The following ANKLE1 variants were observed in gnomAD, a reference collection of about 807,000 sequenced individuals.
The protein encoded by ANKLE1 is ankyrin repeat and LEM domain containing 1, also known as structure-specific endonuclease ANKLE1.
In ANKLE1, 59 loss-of-function variants were observed where a neutral mutation model predicts 56.2. The observed-to-expected ratio is 1.05, with a 90% CI of 0.85 to 1.30. ANKLE1 has a LOEUF of 1.30. Among genes scored for constraint, ANKLE1 ranks in the 50% most tolerant of loss-of-function variants. ANKLE1 has a pLI of 0.00. For synonymous variants in ANKLE1, 341 were observed against 352.9 expected, an observed-to-expected ratio of 0.97 and a Z score of 0.38; for missense variants, 771 against 816.1, an observed-to-expected ratio of 0.94 and a Z score of 0.67.
At position 17,285,782 on chromosome 19, in the gene ANKLE1, G is replaced by A; in HGVS notation, c.1638G>A (p.Glu546=). Reference sequence around the variant, plus strand: ...GCTTCCAGCACGTGGTCGCTGTGGAGGCTTATACACGGGAGGCGTGTATTG... The same window carrying A: ...GCTTCCAGCACGTGGTCGCTGTGGAAGCTTATACACGGGAGGCGTGTATTG... The part of the protein sequence containing the change: ...LHCFQHVVAV[E]AYTREACIVE... The change falls in exon 8 of 9, where the codon GAG becomes GAA. Residue 546 remains glutamate, a synonymous_variant. Transcript: ENST00000404085. 1 of 1,613,886 alleles carries A rather than the reference G, an allele frequency of 6.2e-7. No individual in the cohort carries two copies. The highest frequency in any genetic ancestry group is 2.2e-5 in the East Asian group (1 of 44,872).
At position 17,286,666 on chromosome 19, in the gene ANKLE1, G is replaced by GTGTGTT. The variant is rs769320278; in HGVS notation, c.*119_*120insTTGTGT. 1,017 of 842,784 alleles carry GTGTGTT rather than the reference G, an allele frequency of 1.2e-3. 2 individuals carry two copies. Among genetic ancestry groups the GTGTGTT allele is most frequent in the African/African-American group, 2.2e-3 (105 of 47,398 alleles). The allele number at this position is 842,784 out of a possible 1,614,324, so 52.2% of individuals were successfully genotyped here. On this transcript the variant is annotated 3_prime_UTR_variant, in exon 9 of 9. Coordinates refer to ENST00000404085, the MANE Select transcript of ANKLE1 (RefSeq NM_152363.6). ...AGAAGGGGTGTGTGTGTGTGTGTGT[G>GTGTGTT]TGTGTGTGTGTGTGTGTGTGTGTGT... is the stretch of plus-strand genomic sequence containing the variant.
Position 17,286,549 on chromosome 19 carries a change from C to T in ANKLE1, c.1845C>T (p.Gly615=), listed in dbSNP as rs1174717462. 6.2e-7 allele frequency: 1 copy of T among 1,603,404 alleles called. No individual in the cohort carries two copies. Residue 615 remains glycine, a synonymous_variant, in exon 9 of 9, where the codon GGC becomes GGT. Coordinates refer to ENST00000404085, the MANE Select transcript of ANKLE1 (RefSeq NM_152363.6). The part of the protein sequence containing the change: ...QLHPQDIQAR[G] The stretch of plus-strand genomic sequence containing the variant: ...ATCCCCAGGACATCCAGGCCCGGGG[C>T]TGAGTGCTGGGGAGTTGGCCATCCA...
intron 2 of ANKLE1, 146 bp from the exon 3 acceptor site, chr19:17,282,510 G>A: frequency 1.1e-6 from 1 of 935,570 alleles, no homozygotes; most frequent in Non-Finnish European, 1.6e-6. Flanking sequence ...TGAGGTCATA[G>A]CATCTAGGTT....
At chr19:17,285,918 A>G (rs766677017) in intron 8 of ANKLE1, 99 bp downstream of exon 8, 48 of 1,496,252 alleles carry the variant, frequency 3.2e-5, no homozygotes, top group Non-Finnish European at 4.1e-5. Flanking sequence ...TTGTTGACTG[A>G]GCAATTATTG....
rs2074021407 is a variant in ANKLE1 at position 17,285,522 on chromosome 19, G to C, written c.1468G>C (p.Gly490Arg). 6.2e-7 allele frequency: 1 copy of C among 1,613,822 alleles called. No homozygotes were observed. The highest frequency in any genetic ancestry group is 2.2e-5 in the East Asian group (1 of 44,858). Residue 490 changes from glycine (G) to arginine (R), a missense_variant, in exon 7 of 9, where the codon GGG becomes CGG. Transcript: ENST00000404085. The stretch of plus-strand genomic sequence containing the variant: ...CCGTGCCATCTTCTACGTGGGCAAA[G>C]GGACGAGGGCCCGGCCATATGTCCA... ...FIRAIFYVGKGTRARPYVHLW... is the reference protein window; with the variant it reads ...FIRAIFYVGKRTRARPYVHLW...
chr19:17,282,590 A>C, intron 2 of ANKLE1, 66 bp from the exon 3 acceptor site: 2 of 1,439,562 alleles, frequency 1.4e-6, no homozygotes, highest in Non-Finnish European at 1.9e-6. Flanking sequence ...AGGTCCCCAG[A>C]GCGGAGATCG....
chr19:17,282,291 G>T (rs1020107616), intron 2 of ANKLE1, 82 bp downstream of exon 2: 9 of 1,281,596 alleles, frequency 7.0e-6, no homozygotes, highest in Non-Finnish European at 8.7e-6. Flanking sequence ...ATCATCCCGG[G>T]CCAGGCCTCG....
rs1181617089 is a variant in ANKLE1 at position 17,282,873 on chromosome 19, C to T, written c.331C>T (p.Arg111Trp). Residue 111 changes from arginine (R) to tryptophan (W), a missense_variant, in exon 4 of 9, where the codon CGG becomes TGG. Coordinates refer to ENST00000404085, the MANE Select transcript of ANKLE1 (RefSeq NM_152363.6). ...GACCGCGCCCCTGTAGGACGGACTC[C>T]GGCCGCTGGACCTGGCCCTGCAGCA... Reference protein sequence around the residue: ...DPALRDQDGLRPLDLALQQGH... With the variant: ...DPALRDQDGLWPLDLALQQGH... 7 of 1,584,302 alleles carry T rather than the reference C, an allele frequency of 4.4e-6. No individual in the cohort carries two copies. In the East Asian group the frequency reaches 1.1e-4, roughly 26 times the overall value.
At position 17,282,046 on chromosome 19, in the gene ANKLE1, G is replaced by C. The variant is rs767864789; in HGVS notation, c.63-11G>C. The C allele has an allele frequency of 1.3e-6, 2 of 1,537,910 alleles. No individual in the cohort carries two copies. The highest frequency in any genetic ancestry group is 1.2e-5 in the South Asian group (1 of 84,040). On this transcript the variant is annotated splice_polypyrimidine_tract_variant and intron_variant, in intron 1 of 8. Coordinates refer to ENST00000404085, the MANE Select transcript of ANKLE1 (RefSeq NM_152363.6). ...TTTGGCCGGGGTCCACTCTGACCGCGGTGTTTGCAGGGCAGTAGAGGAGCT... is the reference window on the plus strand; with the variant it reads ...TTTGGCCGGGGTCCACTCTGACCGCCGTGTTTGCAGGGCAGTAGAGGAGCT...
rs759535689 is a variant in ANKLE1, at chr19:17,286,358, A to T, written c.1676-22A>T. ...AGGTGTCCCCATGGCTGCCCCTGTG[A>T]CCCCACATCCAATTTCTCCAGGGAT... On this transcript the variant is annotated intron_variant, in intron 8 of 8. Coordinates refer to ENST00000404085, the MANE Select transcript of ANKLE1 (RefSeq NM_152363.6). 2.0e-6 allele frequency: 3 copies of T among 1,533,656 alleles called. No homozygotes were observed. The South Asian group carries it at 3.8e-5, about 20-fold the overall frequency.
chr19:17,282,591 G>A (rs2073984221), intron 2 of ANKLE1, 65 bp from the exon 3 acceptor site: 1 of 1,438,812 alleles, frequency 7.0e-7, no homozygotes, highest in African/African-American at 1.4e-5. Flanking sequence ...GGTCCCCAGA[G>A]CGGAGATCGG....
Position 17,285,510 on chromosome 19 carries a change from T to C in ANKLE1, c.1456T>C (p.Tyr486His). The change falls in exon 7 of 9, where the codon TAC becomes CAC. Residue 486 changes from tyrosine (Y) to histidine (H), a missense_variant. By Grantham distance (83) the Tyr-to-His change is moderately conservative. Coordinates refer to ENST00000404085, the MANE Select transcript of ANKLE1 (RefSeq NM_152363.6). ...TCAGACTTTCATCCGTGCCATCTTC[T>C]ACGTGGGCAAAGGGACGAGGGCCCG... Reference protein sequence around the residue: ...RLQTFIRAIFYVGKGTRARPY... With the variant: ...RLQTFIRAIFHVGKGTRARPY... 6.2e-7 allele frequency: 1 copy of C among 1,613,920 alleles called. No individual in the cohort carries two copies. Among genetic ancestry groups the C allele is most frequent in the Non-Finnish European group, 8.5e-7 (1 of 1,179,888 alleles).
At position 17,283,548 on chromosome 19, in the gene ANKLE1, C is replaced by G. The variant is rs960912577; in HGVS notation, c.784C>G (p.Pro262Ala). ...TGTTGTCCATGCCAACCAGAGGGTA[C>G]CTAGGTCTCAGGGCACGGAGGCAGA... Reference protein sequence around the residue: ...LHVVHANQRVPRSQGTEAELN... With the variant: ...LHVVHANQRVARSQGTEAELN... The change falls in exon 5 of 9, where the codon CCT becomes GCT. Residue 262 changes from proline (P) to alanine (A), a missense_variant. By Grantham distance (27) the Pro-to-Ala change is conservative. Coordinates refer to ENST00000404085, the MANE Select transcript of ANKLE1 (RefSeq NM_152363.6). 1 of 1,612,858 alleles carries G rather than the reference C, an allele frequency of 6.2e-7. No individual in the cohort carries two copies. The highest frequency in any genetic ancestry group is 1.3e-5 in the African/African-American group (1 of 74,918).
intron 4 of ANKLE1, 86 bp downstream of exon 4, chr19:17,283,088 C>T (rs2145636366): frequency 6.5e-7 from 1 of 1,533,574 alleles, no homozygotes; most frequent in South Asian, 1.2e-5. Context: ...CCCATTGGTT[C>T]TGACCGTCTC....
In ANKLE1 at chr19:17,282,983, G is replaced by T. The variant is rs557312525; in HGVS notation, c.441G>T (p.Glu147Asp). 2 of 1,562,392 alleles carry T rather than the reference G, an allele frequency of 1.3e-6. No individual in the cohort carries two copies. Among genetic ancestry groups the T allele is most frequent in the East Asian group, 2.3e-5 (1 of 42,628 alleles). Residue 147 changes from glutamate (E) to aspartate (D), a missense_variant, in exon 4 of 9, where the codon GAG (glutamate) becomes GAT (aspartate). Physicochemically the swap from Glu to Asp is conservative, Grantham distance 45 (BLOSUM62 2). Coordinates refer to ENST00000404085, the MANE Select transcript of ANKLE1 (RefSeq NM_152363.6). ...CCCGGATCGGGGCAGAGACTCAGGA[G>T]CCCGAGCCTGCACCTGGCAGTGAGT... ...TRTRIGAETQ[E>D]PEPAPGTPGL... is the part of the protein sequence containing the mutation.
chr19:17,282,041 A>G lies in ANKLE1; in HGVS notation c.63-16A>G, dbSNP rs761491886. On this transcript the variant is annotated splice_polypyrimidine_tract_variant and intron_variant, in intron 1 of 8. Coordinates refer to ENST00000404085, the MANE Select transcript of ANKLE1 (RefSeq NM_152363.6). Reference sequence around the variant, plus strand: ...GGGTCTTTGGCCGGGGTCCACTCTGACCGCGGTGTTTGCAGGGCAGTAGAG... The same window carrying G: ...GGGTCTTTGGCCGGGGTCCACTCTGGCCGCGGTGTTTGCAGGGCAGTAGAG... The G allele has an allele frequency of 1.3e-6, 2 of 1,537,546 alleles. No individual in the cohort carries two copies. The highest frequency in any genetic ancestry group is 1.7e-6 in the Non-Finnish European group (2 of 1,146,546).
chr19:17,285,848 C>T lies in ANKLE1; in HGVS notation c.1675+29C>T, dbSNP rs148284514. The T allele has an allele frequency of 9.3e-5, 150 of 1,610,978 alleles. No individual in the cohort carries two copies. The East Asian group carries it at 2.7e-3, about 29-fold the overall frequency. On this transcript the variant is annotated intron_variant, in intron 8 of 8. Coordinates refer to ENST00000404085, the MANE Select transcript of ANKLE1 (RefSeq NM_152363.6). ...GGTGCCTGGTACCTAGAATGGGGGT[C>T]ATATGAAAGGCATTTGGCTTCCCAG... is the stretch of plus-strand genomic sequence containing the variant.
In ANKLE1 at chr19:17,283,507, G is replaced by A; in HGVS notation, c.743G>A (p.Arg248Lys). The A allele has an allele frequency of 1.2e-6, 2 of 1,613,114 alleles. No homozygotes were observed. The highest frequency in any genetic ancestry group is 2.2e-5 in the South Asian group (2 of 91,084). ...PPWAGSLPPT[R>K]QGLLHVVHAN... ...TGGGCTGGGTCATTGCCACCGACCA[G>A]GCAGGGACTTCTGCATGTTGTCCAT... Residue 248 changes from arginine (R) to lysine (K), a missense_variant, in exon 5 of 9, where the codon AGG becomes AAG. Physicochemically the swap from Arg to Lys is conservative, Grantham distance 26. Coordinates refer to ENST00000404085, the MANE Select transcript of ANKLE1 (RefSeq NM_152363.6).
chr19:17,284,260 A>G lies in ANKLE1; in HGVS notation c.1370A>G (p.Asp457Gly), dbSNP rs1268749620. The G allele has an allele frequency of 3.1e-6, 5 of 1,613,230 alleles. No individual in the cohort carries two copies. The highest frequency in any genetic ancestry group is 4.2e-6 in the Non-Finnish European group (5 of 1,179,636). ...TCTAGCTTCACCTATCTGCTGCTGGACCCCAGGTACTCAGGGCAGGAAAGC... is the reference window on the plus strand; with the variant it reads ...TCTAGCTTCACCTATCTGCTGCTGGGCCCCAGGTACTCAGGGCAGGAAAGC... ...VKSSFTYLLL[D>G]PRETQDLPAR... Residue 457 changes from aspartate to glycine, a missense_variant, in exon 6 of 9, where the codon GAC becomes GGC. Asp to Gly is a moderately conservative substitution (Grantham distance 94). Coordinates refer to ENST00000404085, the MANE Select transcript of ANKLE1 (RefSeq NM_152363.6).
Sources: gnomAD v4.1 joint callset for allele counts on GRCh38, gnomAD v4.1.1 for gene constraint, MANE v1.5 for transcripts, NCBI Gene and HGNC (gene_info 2026-07-23, HGNC 2026-07-21) for gene names.